LYST: variants seen among roughly 807,000 people sequenced by gnomAD.
LYST encodes the protein lysosomal-trafficking regulator.
LYST carries 192 observed loss-of-function variants against 413.6 expected under a neutral mutation model. The observed-to-expected ratio is 0.46, with a 90% confidence interval of 0.41 to 0.52. LYST has a LOEUF of 0.52. Among genes scored for constraint, LYST ranks in the 20% least tolerant of loss-of-function variants. The probability of loss-of-function intolerance (pLI) is 0.00; values close to 1 mark genes in which losing one functional copy is unlikely to be tolerated. For synonymous variants in LYST, 1,525 were observed against 1,567.3 expected, an observed-to-expected ratio of 0.97 and a Z score of 0.64; for missense variants, 3,815 against 4,499.9, an observed-to-expected ratio of 0.85 and a Z score of 4.35.
At chr1:235,734,907 AAG>A in intron 31 of LYST, 3 of 301,154 alleles carry the variant, frequency 1.0e-5, no homozygotes, top group Non-Finnish European at 1.2e-5. Flanking sequence ...ATTTAAAAAA[AAG>A]AATTTAGAGG....
intron 10 of LYST, among the ~76,000 whole-genome samples, chr1:235,795,896 G>A (rs1405573488): frequency 6.6e-6 from 1 of 151,796 alleles, no homozygotes; most frequent in Non-Finnish European, 1.5e-5. Flanking sequence ...ACTTTAAGAT[G>A]TTTATTACTA....
intron 34 of LYST, 61 bp from the exon 35 acceptor site, chr1:235,731,238 A>T: frequency 6.8e-7 from 1 of 1,466,740 alleles, no homozygotes; most frequent in Non-Finnish European, 9.6e-7. Context: ...AGCTATAAAA[A>T]AAATCATTAT....
chr1:235,775,377 T>C (rs1228460561), intron 17 of LYST, among the ~76,000 whole-genome samples: 4 of 152,212 alleles, frequency 2.6e-5, no homozygotes, highest in African/African-American at 9.6e-5. Context: ...TTTGATAAGT[T>C]AGTCAATAGA....
intron 1 of LYST, among the ~76,000 whole-genome samples, chr1:235,855,554 A>C (rs1380657488): frequency 6.6e-6 from 1 of 152,198 alleles, no homozygotes. Context: ...TTGAAAATCA[A>C]TTATAAGCAT....
At chr1:235,703,387 C>T (rs1661707624) in intron 44 of LYST, among the ~76,000 whole-genome samples, 1 of 151,918 alleles carries the variant, frequency 6.6e-6, no homozygotes, top group Admixed American at 6.6e-5. Flanking sequence ...GGGATAAAAC[C>T]AAAAGAGCAG....
chr1:235,689,088 T>C (rs1660452697), intron 47 of LYST, among the ~76,000 whole-genome samples: 1 of 151,134 alleles, frequency 6.6e-6, no homozygotes, highest in South Asian at 2.1e-4. Flanking sequence ...AAAGAATTAA[T>C]GGGTGAACAA....
chr1:235,681,727 C>T (rs1659829000), intron 48 of LYST, among the ~76,000 whole-genome samples: 5 of 152,310 alleles, frequency 3.3e-5, no homozygotes, highest in Middle Eastern at 3.4e-3. Flanking sequence ...AAATCTCAGT[C>T]ATCATCTCTT....
Position 235,730,961 on chromosome 1 carries a change from A to T in LYST, c.8948-18T>A. On this transcript the variant is annotated intron_variant, in intron 35 of 52. Coordinates refer to ENST00000389793, the MANE Select transcript of LYST (RefSeq NM_000081.4). ...GACAACATCTGTTGAGGAGAAAAGT[A>T]AATATTATCTTTATCTAATGACCAT... 1 of 1,606,952 alleles carries T rather than the reference A, an allele frequency of 6.2e-7. No individual in the cohort carries two copies. Among genetic ancestry groups the T allele is most frequent in the Non-Finnish European group, 8.5e-7 (1 of 1,173,530 alleles).
At chr1:235,781,082 T>C in intron 15 of LYST, 27 bp from the exon 16 acceptor site, 2 of 1,428,212 alleles carry the variant, frequency 1.4e-6, no homozygotes, top group East Asian at 4.6e-5. Flanking sequence ...TAAAGTTAGT[T>C]ATTTAAAACA....
rs751669600 is a variant in LYST at position 235,882,733 on chromosome 1, A to C, written n.454+454T>G. The stretch of plus-strand genomic sequence containing the variant: ...GGGTTAGGGAGGGCTAGCAGTGAGG[A>C]GTGAGAAGGAGAGAAAGAATAAGTC... On this transcript the variant is annotated intron_variant and non_coding_transcript_variant, in intron 1 of 11. Transcript: ENST00000465349. Among the ~76,000 whole-genome samples the C allele has an allele frequency of 2.2e-4, 34 of 152,162 alleles. 2 individuals are homozygous for C. Among genetic ancestry groups the C allele is most frequent in the Middle Eastern group, 3.2e-3 (1 of 316 alleles).
intron 14 of LYST, among the ~76,000 whole-genome samples, chr1:235,784,895 TTGGAACA>T (rs1226281597): frequency 6.6e-6 from 1 of 152,236 alleles, no homozygotes; most frequent in East Asian, 1.9e-4. Flanking sequence ...AGTATTTTAT[TTGGAACA>T]TGGAACATGG....
chr1:235,789,717 A>T (rs990082462), intron 12 of LYST, among the ~76,000 whole-genome samples: 1 of 152,200 alleles, frequency 6.6e-6, no homozygotes, highest in African/African-American at 2.4e-5. Context: ...AAGAAGAGTT[A>T]AGGTCACTGA....
At chr1:235,727,338 G>A (rs530199699) in intron 38 of LYST, among the ~76,000 whole-genome samples, 2 of 151,790 alleles carry the variant, frequency 1.3e-5, no homozygotes, top group Admixed American at 1.3e-4. Context: ...TGGCCAGGCT[G>A]GTCTCAAACT....
At position 235,733,492 on chromosome 1, in the gene LYST, C is replaced by T. The variant is rs1228379350; in HGVS notation, c.8801+11G>A. The T allele has an allele frequency of 5.0e-6, 8 of 1,612,746 alleles. No individual in the cohort carries two copies. In the Admixed American group the frequency reaches 1.3e-4, roughly 27 times the overall value. The stretch of plus-strand genomic sequence containing the variant: ...ATGGAAGACAATTTTAACTGACCTC[C>T]CGCAGCTTACCTATCATGTGTCAGC... On this transcript the variant is annotated intron_variant, in intron 34 of 52. Coordinates refer to ENST00000389793, the MANE Select transcript of LYST (RefSeq NM_000081.4).
chr1:235,874,639 A>G (rs534777976), intron 1 of LYST, among the ~76,000 whole-genome samples: 1 of 152,308 alleles, frequency 6.6e-6, no homozygotes, highest in African/African-American at 2.4e-5. Context: ...TATCCAAAGG[A>G]CTGTCCTTTA....
At chr1:235,849,362 T>A (rs909519376) in intron 1 of LYST, among the ~76,000 whole-genome samples, 1 of 152,140 alleles carries the variant, frequency 6.6e-6, no homozygotes, top group South Asian at 2.1e-4. Flanking sequence ...ACAAGGGTCA[T>A]ACCTTAATGT....
At chr1:235,803,695 A>G (rs1371704204) in intron 7 of LYST, among the ~76,000 whole-genome samples, 1 of 152,166 alleles carries the variant, frequency 6.6e-6, no homozygotes, top group Non-Finnish European at 1.5e-5. Flanking sequence ...TCATCATTGT[A>G]ACAACAATAA....
At chr1:235,727,231 G>T (rs2489156) in intron 38 of LYST, among the ~76,000 whole-genome samples, 121,942 of 150,806 alleles carry the variant, frequency 0.81, 49,489 homozygotes, top group African/African-American at 0.9. Context: ...CAAGCGATTC[G>T]CCTGCCTCAG....
chr1:235,733,775 T>C (rs888857795), intron 33 of LYST, 55 bp downstream of exon 33: 3 of 1,487,050 alleles, frequency 2.0e-6, no homozygotes, highest in East Asian at 2.3e-5. Context: ...TAAAAGTATA[T>C]GTGAAATCTA....
Sources: gnomAD v4.1 joint callset for allele counts (sites outside exome capture counted in the v4.1 genomes callset) on GRCh38, gnomAD v4.1.1 for gene constraint, MANE v1.5 for transcripts, NCBI Gene and HGNC (gene_info 2026-07-23, HGNC 2026-07-21) for gene names.